The following RYR2 variants were observed in gnomAD, a reference collection of about 807,000 sequenced individuals.
RYR2 encodes the protein ryanodine receptor 2.
Under a neutral mutation model 601.1 loss-of-function variants are expected in RYR2, and 227 were observed. The ratio of observed to expected loss-of-function variants is 0.38; its 90% CI spans 0.34 to 0.42. RYR2 has a LOEUF of 0.42. Ranked by LOEUF, RYR2 falls within the 10% of genes least tolerant of loss-of-function variation. RYR2 has a pLI of 1.00. For missense variants in RYR2, 4,646 were observed against 6,156.5 expected, an observed-to-expected ratio of 0.75 and a Z score of 8.21; for synonymous variants, 2,223 against 2,175.1, an observed-to-expected ratio of 1.02 and a Z score of -0.61.
chr1:237,351,041 G>A (rs1698798878), intron 3 of RYR2, among the ~76,000 whole-genome samples: 1 of 152,072 alleles, frequency 6.6e-6, no homozygotes, highest in Admixed American at 6.6e-5. Flanking sequence ...TCAAAGGTTT[G>A]AAATAAGAGT....
chr1:237,451,008 CAT>C (rs1007525906), intron 14 of RYR2, among the ~76,000 whole-genome samples: 9 of 150,676 alleles, frequency 6.0e-5, no homozygotes, highest in African/African-American at 1.5e-4. Flanking sequence ...ATTTATATTG[CAT>C]ATATATATAT....
At position 237,339,800 on chromosome 1, in the gene RYR2, A is replaced by C. The variant is rs1183758892; in HGVS notation, c.273+8818A>C. ...AATTTCAGGGATGATATCCAAAGGC[A>C]ACATCATCTATAGGCACAAAAAGGA... is the stretch of plus-strand genomic sequence containing the variant. On this transcript the variant is annotated intron_variant, in intron 3 of 104. Coordinates refer to ENST00000366574, the MANE Select transcript of RYR2 (RefSeq NM_001035.3). 4.6e-5 allele frequency among the ~76,000 whole-genome samples: 7 copies of C among 152,272 alleles called. No homozygotes were observed. The East Asian group carries it at 1.4e-3, about 29-fold the overall frequency.
chr1:237,217,326 C>T (rs973890973), intron 1 of RYR2, among the ~76,000 whole-genome samples: 1 of 138,082 alleles, frequency 7.2e-6, no homozygotes, highest in African/African-American at 2.5e-5. Flanking sequence ...GGAATTAAAA[C>T]ACTTTTTTTT....
At chr1:237,417,675 G>A (rs898362738) in intron 11 of RYR2, among the ~76,000 whole-genome samples, 1 of 151,942 alleles carries the variant, frequency 6.6e-6, no homozygotes, top group Non-Finnish European at 1.5e-5. Flanking sequence ...TTATAGTAAT[G>A]AGAGTTTTTA....
At chr1:237,791,799 G>T (rs1017266391) in intron 93 of RYR2, 6 of 554,812 alleles carry the variant, frequency 1.1e-5, no homozygotes, top group African/African-American at 7.5e-5. Flanking sequence ...ACTATGCCTG[G>T]GTGTGGCATA....
intron 17 of RYR2, among the ~76,000 whole-genome samples, chr1:237,472,719 TA>T (rs1166456623): frequency 1.3e-5 from 2 of 150,420 alleles, no homozygotes; most frequent in African/African-American, 4.9e-5. Context: ...TAGAAAGAAA[TA>T]AATGAAAAGA....
At chr1:237,790,047 A>C (rs941394096) in intron 92 of RYR2, among the ~76,000 whole-genome samples, 2 of 152,216 alleles carry the variant, frequency 1.3e-5, no homozygotes, top group Non-Finnish European at 2.9e-5. Flanking sequence ...CTGAGGTGTT[A>C]CATTTTGATG....
intron 98 of RYR2, among the ~76,000 whole-genome samples, chr1:237,802,942 T>C (rs1773458): frequency 0.35 from 52,887 of 151,786 alleles, 9,626 homozygotes; most frequent in East Asian, 0.6. Flanking sequence ...GTTCTGCTAT[T>C]TTAGTAGGCT....
intron 29 of RYR2, among the ~76,000 whole-genome samples, 169 bp downstream of exon 29, chr1:237,569,488 CATT>C (rs1411992489): frequency 6.6e-6 from 1 of 151,314 alleles, no homozygotes; most frequent in Non-Finnish European, 1.5e-5. Context: ...CTTGAAATAA[CATT>C]ATTAGAAATG....
Position 237,724,129 on chromosome 1 carries a change from A to G in RYR2, c.10689+867A>G, listed in dbSNP as rs979076175. Among the ~76,000 whole-genome samples, 4 of 150,278 alleles carry G rather than the reference A, an allele frequency of 2.7e-5. No individual in the cohort carries two copies. In the East Asian group the frequency reaches 7.8e-4, roughly 29 times the overall value. On this transcript the variant is annotated intron_variant, in intron 74 of 104. Coordinates refer to ENST00000366574, the MANE Select transcript of RYR2 (RefSeq NM_001035.3). ...ATTTTATACTAAATATAAAATAATAATAAGATGCCCTATGCCATCTCAGGA... is the reference window on the plus strand; with the variant it reads ...ATTTTATACTAAATATAAAATAATAGTAAGATGCCCTATGCCATCTCAGGA...
intron 93 of RYR2, chr1:237,791,848 C>T (rs1382491653): frequency 6.9e-6 from 4 of 577,530 alleles, no homozygotes; most frequent in Non-Finnish European, 6.1e-6. Context: ...GAGAAGAGAG[C>T]TTAGCCATCT....
At chr1:237,314,063 C>CTTTTTT (rs397983391) in intron 2 of RYR2, among the ~76,000 whole-genome samples, 18 of 82,336 alleles carry the variant, frequency 2.2e-4, no homozygotes, top group Non-Finnish European at 3.2e-4. Flanking sequence ...ACATGAATTT[C>CTTTTTT]TTTTTTTTTT....
chr1:237,383,211 G>A (rs964454559), intron 8 of RYR2, among the ~76,000 whole-genome samples: 1 of 151,744 alleles, frequency 6.6e-6, no homozygotes, highest in Non-Finnish European at 1.5e-5. Flanking sequence ...GATAACAAAG[G>A]AAACTAAAGG....
chr1:237,262,403 A>G (rs34208676), intron 1 of RYR2, among the ~76,000 whole-genome samples: 4,562 of 151,624 alleles, frequency 0.03, 107 homozygotes, highest in Non-Finnish European at 0.047. Context: ...TTACAGGCAC[A>G]CACCAGCATG....
chr1:237,398,492 A>C (rs947973071), intron 10 of RYR2, among the ~76,000 whole-genome samples: 13 of 152,240 alleles, frequency 8.5e-5, no homozygotes, highest in African/African-American at 3.1e-4. Context: ...ATTGTAAATA[A>C]GCACATAGAA....
intron 8 of RYR2, among the ~76,000 whole-genome samples, chr1:237,385,215 C>T (rs1415727995): frequency 2.0e-5 from 3 of 152,032 alleles, no homozygotes; most frequent in Non-Finnish European, 4.4e-5. Flanking sequence ...TTAATTGGTA[C>T]ATAATTTATT....
At chr1:237,248,282 G>GCCCCCCC (rs1171897382) in intron 1 of RYR2, among the ~76,000 whole-genome samples, 1 of 14,066 alleles carries the variant, frequency 7.1e-5, no homozygotes, top group African/African-American at 2.0e-4. Flanking sequence ...CCGCAACCCC[G>GCCCCCCC]CCCCCCCCCC....
chr1:237,208,948 A>ATGTGTGTG (rs60860953), intron 1 of RYR2, among the ~76,000 whole-genome samples: 6 of 94,226 alleles, frequency 6.4e-5, no homozygotes, highest in Non-Finnish European at 1.0e-4. Context: ...ATATATATAT[A>ATGTGTGTG]TATATATATA....
At chr1:237,315,959 C>G (rs1438130739) in intron 2 of RYR2, among the ~76,000 whole-genome samples, 1 of 151,788 alleles carries the variant, frequency 6.6e-6, no homozygotes, top group Admixed American at 6.6e-5. Context: ...TCTGACAGGT[C>G]TAACGTGATC....
Sources: gnomAD v4.1 joint callset for allele counts (sites outside exome capture counted in the v4.1 genomes callset) on GRCh38, gnomAD v4.1.1 for gene constraint, MANE v1.5 for transcripts, NCBI Gene and HGNC (gene_info 2026-07-23, HGNC 2026-07-21) for gene names.